Variants in CEP72 observed in about 807,000 individuals in gnomAD.
CEP72 encodes centrosomal protein 72.
Under a neutral mutation model 65.7 loss-of-function variants are expected in CEP72, and 78 were observed. The observed-to-expected ratio is 1.19, with a 90% confidence interval of 0.99 to 1.43. The LOEUF (loss-of-function observed/expected upper bound fraction) is 1.43, where lower values mean the gene tolerates loss of function less well. Among genes scored for constraint, CEP72 ranks in the 40% most tolerant of loss-of-function variants. The pLI, the probability that CEP72 is intolerant of heterozygous loss-of-function variation, is 0.00. For synonymous variants in CEP72, 358 were observed against 351.7 expected (o/e 1.02, Z -0.20); for missense variants, 914 against 832.9 (o/e 1.10, Z -1.20).
intron 3 of CEP72, among the ~76,000 whole-genome samples, chr5:620,981 G>A (rs967265761): frequency 6.6e-6 from 1 of 152,208 alleles, no homozygotes; most frequent in Non-Finnish European, 1.5e-5. Context: ...GAGAAAGCTG[G>A]GGCCTCAGCC....
rs776959321 is a variant in CEP72 at position 647,930 on chromosome 5, A to G, written c.1778+14A>G. The G allele has an allele frequency of 6.3e-7, 1 of 1,594,544 alleles. No individual in the cohort carries two copies. The highest frequency in any genetic ancestry group is 1.1e-5 in the South Asian group (1 of 89,870). On this transcript the variant is annotated intron_variant, in intron 11 of 11. Coordinates refer to ENST00000264935, the MANE Select transcript of CEP72 (RefSeq NM_018140.4). ...GGAGAGCCACAGGTGCCTGCCCGTG[A>G]GACTTGGGTGGGCCCCCGAGGGGAG...
At chr5:646,810 C>T (rs1277454624) in intron 10 of CEP72, among the ~76,000 whole-genome samples, 1 of 152,234 alleles carries the variant, frequency 6.6e-6, no homozygotes, top group African/African-American at 2.4e-5. Context: ...CCACCCACTG[C>T]TGACGGCTGC....
In CEP72 at chr5:665,100, G is replaced by A. The variant is rs770112220; in HGVS notation, n.288-80G>A. The A allele has an allele frequency of 1.6e-5, 25 of 1,608,598 alleles. 1 individual carries two copies. In the South Asian group the frequency reaches 1.8e-4, roughly 11 times the overall value. On this transcript the variant is annotated intron_variant and non_coding_transcript_variant, in intron 2 of 4. Transcript: ENST00000514507. ...GCAGTGCCGCGAGGCATGGAGCGGG[G>A]GCTACTTGCCCCCTTGCACCTTCTG...
intron 9 of CEP72, chr5:641,282 G>T: frequency 1.0e-6 from 1 of 985,458 alleles, no homozygotes; most frequent in Non-Finnish European, 1.2e-6. Flanking sequence ...CTTAGCACAG[G>T]GAGCTGGTGG....
chr5:644,527 C>A, intron 10 of CEP72, 102 bp downstream of exon 10: 1 of 1,363,128 alleles, frequency 7.3e-7, no homozygotes, highest in Non-Finnish European at 1.0e-6. Context: ...TGAGCAGCAG[C>A]AGACGCAGTT....
rs1428884393 is a variant in CEP72, at chr5:628,885, T to C, written c.512+4306T>C. Among the ~76,000 whole-genome samples, 185 of 103,694 alleles carry C rather than the reference T, an allele frequency of 1.8e-3. 1 individual carries two copies. Among genetic ancestry groups the C allele is most frequent in the African/African-American group, 6.2e-3 (137 of 21,952 alleles). The allele number at this position is 103,694 out of a possible 152,430, so 68.0% of individuals were successfully genotyped here. On this transcript the variant is annotated intron_variant, in intron 4 of 11. Transcript: ENST00000264935. ...GTGCAGCGTTCTGGAGAACTCAGGT[T>C]GCCGTCCCTGGGGAGTGGCCCCAGG...
At chr5:635,634 C>T in intron 6 of CEP72, 50 bp downstream of exon 6, 8 of 1,367,074 alleles carry the variant, frequency 5.9e-6, no homozygotes, top group Non-Finnish European at 8.3e-6. Context: ...CAGAAAACCA[C>T]AGACTGAGTA....
At chr5:613,006 A>T (rs1034898613) in intron 1 of CEP72, among the ~76,000 whole-genome samples, 4 of 152,250 alleles carry the variant, frequency 2.6e-5, no homozygotes, top group African/African-American at 9.6e-5. Context: ...CAGTGAAACC[A>T]TATGGACATG....
chr5:669,687 T>C (rs562758688), downstream of CEP72, among the ~76,000 whole-genome samples: 11 of 151,998 alleles, frequency 7.2e-5, no homozygotes, highest in African/African-American at 2.4e-4. Flanking sequence ...GGCTCCCCCA[T>C]CAGAGGCGAC....
downstream of CEP72, among the ~76,000 whole-genome samples, chr5:656,383 G>A (rs1042414499): frequency 4.6e-5 from 7 of 152,176 alleles, no homozygotes; most frequent in Admixed American, 3.3e-4. Flanking sequence ...AATCATTGAC[G>A]TACTTGCAGT....
intron 1 of CEP72, among the ~76,000 whole-genome samples, chr5:616,795 GGTGT>G (rs762810860): frequency 2.2e-5 from 3 of 139,038 alleles, no homozygotes; most frequent in Non-Finnish European, 4.7e-5. Flanking sequence ...GTGGACGAGG[GGTGT>G]GTGTGTGTGT....
exon 4 of CEP72, chr5:665,984 T>C (rs750871816): frequency 6.3e-6 from 9 of 1,433,910 alleles, no homozygotes. Flanking sequence ...ACCCCTGAGA[T>C]GATGGGCGCC....
In CEP72 at chr5:628,799, C is replaced by CG. The variant is rs573232067; in HGVS notation, c.512+4220_512+4221insG. Reference sequence around the variant, plus strand: ...CGACCCAGCCCCCTTCTTTGTGCAGCTTCTGGAGAACTCAGGTTGCCGTCC... The same window carrying CG: ...CGACCCAGCCCCCTTCTTTGTGCAGCGTTCTGGAGAACTCAGGTTGCCGTCC... On this transcript the variant is annotated intron_variant, in intron 4 of 11. Transcript: ENST00000264935. Among the ~76,000 whole-genome samples, 427 of 117,598 alleles carry CG rather than the reference C, an allele frequency of 3.6e-3. 4 individuals are homozygous for CG. The highest frequency in any genetic ancestry group is 8.2e-3 in the African/African-American group (228 of 27,762). The allele number at this position is 117,598 out of a possible 152,430, so 77.1% of individuals were successfully genotyped here. A position where few individuals can be genotyped will look rare whatever the true frequency, so the allele number is the denominator to read the frequency against.
At chr5:651,471 C>A (rs1172436757) in intron 11 of CEP72, among the ~76,000 whole-genome samples, 1 of 151,900 alleles carries the variant, frequency 6.6e-6, no homozygotes, top group African/African-American at 2.4e-5. Flanking sequence ...TGGTCGGGCA[C>A]GGCGGGGCAA....
intron 11 of CEP72, among the ~76,000 whole-genome samples, chr5:650,552 C>T (rs368847561): frequency 0.26 from 3,226 of 12,332 alleles, 4 homozygotes; most frequent in African/African-American, 0.34. Flanking sequence ...GACTGTGAGG[C>T]GTGGACTGTG....
At chr5:613,008 A>G (rs1735770673) in intron 1 of CEP72, among the ~76,000 whole-genome samples, 1 of 152,240 alleles carries the variant, frequency 6.6e-6, no homozygotes. Flanking sequence ...GTGAAACCAT[A>G]TGGACATGTC....
chr5:669,465 G>T (rs1740110351), downstream of CEP72, among the ~76,000 whole-genome samples: 1 of 152,176 alleles, frequency 6.6e-6, no homozygotes, highest in Non-Finnish European at 1.5e-5. Flanking sequence ...CCCTGTGGGG[G>T]TGTTGACTCT....
chr5:646,097 T>C (rs1490452164), intron 10 of CEP72, among the ~76,000 whole-genome samples: 1 of 152,198 alleles, frequency 6.6e-6, no homozygotes, highest in Non-Finnish European at 1.5e-5. Flanking sequence ...ATTGGCGGCC[T>C]GTGTGGATGG....
intron 9 of CEP72, chr5:640,846 A>G (rs2126795034): frequency 2.0e-6 from 2 of 985,442 alleles, no homozygotes; most frequent in African/African-American, 1.7e-5. Flanking sequence ...CCCGGGCCCA[A>G]GGGACCCTCC....
Sources: gnomAD v4.1 joint callset for allele counts (sites outside exome capture counted in the v4.1 genomes callset) on GRCh38, gnomAD v4.1.1 for gene constraint, MANE v1.5 for transcripts, NCBI Gene and HGNC (gene_info 2026-07-23, HGNC 2026-07-21) for gene names.